Variants in ARHGAP18 observed in about 807,000 individuals in gnomAD.
The protein encoded by ARHGAP18 is Rho GTPase activating protein 18, also known as rho GTPase-activating protein 18.
In ARHGAP18, 67 loss-of-function variants were observed where a neutral mutation model predicts 86.2. The observed-to-expected ratio is 0.78, with a 90% CI of 0.64 to 0.95. The LOEUF (loss-of-function observed/expected upper bound fraction) is 0.95. Among genes scored for constraint, ARHGAP18 ranks in the 40% least tolerant of loss-of-function variants. The pLI, the probability that ARHGAP18 is intolerant of heterozygous loss-of-function variation, is 0.00. For missense variants in ARHGAP18, 691 were observed against 780.4 expected, an observed-to-expected ratio of 0.89 and a Z score of 1.37; for synonymous variants, 283 against 280.4, an observed-to-expected ratio of 1.01 and a Z score of -0.09.
At chr6:129,654,150 T>C (rs1275339022) in intron 1 of ARHGAP18, among the ~76,000 whole-genome samples, 2 of 151,914 alleles carry the variant, frequency 1.3e-5, no homozygotes, top group African/African-American at 4.8e-5. Context: ...AGGCCTAACA[T>C]GAATATGAGG....
Position 129,705,253 on chromosome 6 carries a change from A to T in ARHGAP18, c.113+4771T>A, listed in dbSNP as rs74554291. ...GAACCAAGGAATGGGTGAGACATGA[A>T]CAAGTCAAGAACTGAGATAAGCTTA... On this transcript the variant is annotated intron_variant, in intron 1 of 14. Coordinates refer to ENST00000368149, the MANE Select transcript of ARHGAP18 (RefSeq NM_033515.3). Among the ~76,000 whole-genome samples, 12 of 152,340 alleles carry T rather than the reference A, an allele frequency of 7.9e-5. No homozygotes were observed. The East Asian group carries it at 2.3e-3, about 29-fold the overall frequency.
intron 12 of ARHGAP18, chr6:129,598,736 A>T (rs543251962): frequency 6.6e-6 from 1 of 152,296 alleles, no homozygotes; most frequent in South Asian, 2.1e-4. Flanking sequence ...ATACTTATTA[A>T]AGTCCAGGAA....
rs112256622 is a variant in ARHGAP18, at chr6:129,646,929, A to G, written c.114-4911T>C. ...AAACCACTGTTTTAAGAATTCTCAA[A>G]AACAACACATAATGGGTCTGAAAAT... On this transcript the variant is annotated intron_variant, in intron 1 of 14. Transcript: ENST00000368149. Among the ~76,000 whole-genome samples the G allele has an allele frequency of 9.2e-3, 1,394 of 152,276 alleles. 24 individuals are homozygous for G. The highest frequency in any genetic ancestry group is 0.032 in the African/African-American group (1,340 of 41,550).
intron 8 of ARHGAP18, 71 bp from the exon 9 acceptor site, chr6:129,608,123 G>T: frequency 2.8e-6 from 4 of 1,407,574 alleles, no homozygotes; most frequent in Non-Finnish European, 9.2e-7. Flanking sequence ...CTTGCTGAGA[G>T]TATGACACAT....
chr6:129,639,732 C>G lies in ARHGAP18; in HGVS notation c.317-1103G>C, dbSNP rs73592422. 6.7e-3 allele frequency among the ~76,000 whole-genome samples: 1,022 copies of G among 152,254 alleles called. 12 individuals are homozygous for G. The highest frequency in any genetic ancestry group is 0.022 in the African/African-American group (912 of 41,534). On this transcript the variant is annotated intron_variant, in intron 2 of 14. Coordinates refer to ENST00000368149, the MANE Select transcript of ARHGAP18 (RefSeq NM_033515.3). ...CACTGTGCACACCAGACAACAAAAACAGTTTACTAGCATAAAAAGTAAGTC... is the reference window on the plus strand; with the variant it reads ...CACTGTGCACACCAGACAACAAAAAGAGTTTACTAGCATAAAAAGTAAGTC...
chr6:129,600,589 C>T, intron 11 of ARHGAP18, 53 bp downstream of exon 11: 1 of 1,408,992 alleles, frequency 7.1e-7, no homozygotes, highest in Non-Finnish European at 9.8e-7. Flanking sequence ...TAATAACAAA[C>T]ATGCAATTTG....
At chr6:129,637,531 CA>C (rs562410972) in intron 3 of ARHGAP18, among the ~76,000 whole-genome samples, 1 of 152,234 alleles carries the variant, frequency 6.6e-6, no homozygotes, top group Non-Finnish European at 1.5e-5. Context: ...TGCCTCCTTA[CA>C]TATCTTCCGT....
At chr6:129,701,626 C>G (rs1181285364) in intron 1 of ARHGAP18, among the ~76,000 whole-genome samples, 10 of 152,092 alleles carry the variant, frequency 6.6e-5, no homozygotes, top group Non-Finnish European at 1.5e-5. Flanking sequence ...AAAAATTAGC[C>G]AGGCGTAGTG....
Position 129,576,831 on chromosome 6 carries a change from A to T in ARHGAP18, c.*1682T>A, listed in dbSNP as rs982836198. ...ACCCACTAATAAGTACCATTTTGCT[A>T]ATTGGGAAATTAATACATATTGTCA... On this transcript the variant is annotated 3_prime_UTR_variant, in exon 15 of 15. Transcript: ENST00000368149. 1.3e-5 allele frequency: 2 copies of T among 152,118 alleles called. No individual in the cohort carries two copies. Among genetic ancestry groups the T allele is most frequent in the Non-Finnish European group, 2.9e-5 (2 of 68,020 alleles). 9.4% of individuals were successfully genotyped at this position (152,118 alleles called of 1,614,324 possible).
At chr6:129,588,086 C>T (rs540477475) in intron 12 of ARHGAP18, among the ~76,000 whole-genome samples, 14 of 151,398 alleles carry the variant, frequency 9.2e-5, no homozygotes, top group African/African-American at 2.2e-4. Flanking sequence ...ACAGGCCCCA[C>T]ACAAGTCCGA....
intron 1 of ARHGAP18, among the ~76,000 whole-genome samples, chr6:129,657,246 GTTC>G (rs773176456): frequency 3.3e-5 from 5 of 152,116 alleles, no homozygotes; most frequent in Admixed American, 6.5e-5. Context: ...GCTTTCCATG[GTTC>G]TTGTTTCTTT....
intron 1 of ARHGAP18, among the ~76,000 whole-genome samples, chr6:129,649,548 G>A (rs1326824289): frequency 3.1e-5 from 3 of 97,112 alleles, no homozygotes; most frequent in Non-Finnish European, 5.5e-5. Flanking sequence ...GCAAGTCTCT[G>A]TCTCCAAAAA....
chr6:129,620,323 G>T (rs1438897517), intron 5 of ARHGAP18, among the ~76,000 whole-genome samples: 4 of 152,196 alleles, frequency 2.6e-5, no homozygotes, highest in African/African-American at 4.8e-5. Context: ...GCTCAAAAAG[G>T]TTCTGATTTT....
At chr6:129,702,864 G>A (rs1206060398) in intron 1 of ARHGAP18, among the ~76,000 whole-genome samples, 1 of 152,238 alleles carries the variant, frequency 6.6e-6, no homozygotes, top group Non-Finnish European at 1.5e-5. Context: ...GACGGGTGTG[G>A]TGGCGCACGC....
chr6:129,694,585 C>G (rs1277007890), intron 1 of ARHGAP18, among the ~76,000 whole-genome samples: 1 of 152,084 alleles, frequency 6.6e-6, no homozygotes, highest in Admixed American at 6.5e-5. Context: ...ACTCCCATGT[C>G]GAATAAAGAA....
At chr6:129,611,689 T>A in intron 7 of ARHGAP18, 79 bp from the exon 8 acceptor site, 3 of 1,183,682 alleles carry the variant, frequency 2.5e-6, no homozygotes, top group Non-Finnish European at 3.7e-6. Flanking sequence ...GTTTCACATA[T>A]AAATAAAACT....
At chr6:129,586,484 T>G (rs1010027298) in intron 12 of ARHGAP18, among the ~76,000 whole-genome samples, 1 of 152,048 alleles carries the variant, frequency 6.6e-6, no homozygotes, top group Non-Finnish European at 1.5e-5. Context: ...GCCATGCACT[T>G]TATATTGAGG....
At chr6:129,662,510 A>G (rs1378222445) in intron 1 of ARHGAP18, among the ~76,000 whole-genome samples, 1 of 152,224 alleles carries the variant, frequency 6.6e-6, no homozygotes, top group Non-Finnish European at 1.5e-5. Context: ...GAACACTACT[A>G]AAGCAGTTCT....
At chr6:129,678,465 T>C (rs977072117) in intron 1 of ARHGAP18, among the ~76,000 whole-genome samples, 1 of 152,220 alleles carries the variant, frequency 6.6e-6, no homozygotes, top group African/African-American at 2.4e-5. Context: ...TATGGAGATA[T>C]AGCAACCAAA....
Sources: gnomAD v4.1 joint callset for allele counts (sites outside exome capture counted in the v4.1 genomes callset) on GRCh38, gnomAD v4.1.1 for gene constraint, MANE v1.5 for transcripts, NCBI Gene and HGNC (gene_info 2026-07-23, HGNC 2026-07-21) for gene names.